Variants in IFIH1 observed in about 807,000 individuals in gnomAD.
IFIH1 encodes interferon induced with helicase C domain 1, also known as interferon-induced helicase C domain-containing protein 1.
A neutral mutation model predicts 107.4 loss-of-function variants in IFIH1; 125 were observed. The observed-to-expected ratio is 1.16, with a 90% confidence interval of 1.01 to 1.35. The LOEUF is 1.35. Among genes scored for constraint, IFIH1 ranks in the 40% most tolerant of loss-of-function variants. The probability of loss-of-function intolerance (pLI) is 0.00; values close to 1 mark genes in which losing one functional copy is unlikely to be tolerated. For synonymous variants in IFIH1, 458 were observed against 413.2 expected (o/e 1.11, Z -1.31); for missense variants, 1,333 against 1,213.7 (o/e 1.10, Z -1.46).
rs1683376303 is a variant in IFIH1, at chr2:162,310,937, T to C, written c.454-4A>G. 3.7e-6 allele frequency: 6 copies of C among 1,609,330 alleles called. No homozygotes were observed. Among genetic ancestry groups the C allele is most frequent in the Non-Finnish European group, 5.1e-6 (6 of 1,177,330 alleles). ...CATTGTTTTCTGCAGCAGCAATCTGTTGTAAGAGAAAATTAGAATTAAGTA... is the reference window on the plus strand; with the variant it reads ...CATTGTTTTCTGCAGCAGCAATCTGCTGTAAGAGAAAATTAGAATTAAGTA... On this transcript the variant is annotated splice_polypyrimidine_tract_variant and splice_region_variant and intron_variant, in intron 1 of 15. Coordinates refer to ENST00000649979, the MANE Select transcript of IFIH1 (RefSeq NM_022168.4).
chr2:162,282,477 A>G lies in IFIH1; in HGVS notation c.1195T>C (p.Ser399Pro), dbSNP rs1408936117. ...CAGGACTTGACAACTTCTGGAAATG[A>G]TATTTTCAGTTGGGTATCACCACTT... is the stretch of plus-strand genomic sequence containing the variant. Reference protein sequence around the residue: ...GLSGDTQLKISFPEVVKSCDI... With the variant: ...GLSGDTQLKIPFPEVVKSCDI... The change falls in exon 6 of 16, where the codon TCA becomes CCA. Residue 399 changes from serine (S) to proline (P), a missense_variant. By Grantham distance (74) the Ser-to-Pro change is moderately conservative. Coordinates refer to ENST00000649979, the MANE Select transcript of IFIH1 (RefSeq NM_022168.4). 5 of 1,609,918 alleles carry G rather than the reference A, an allele frequency of 3.1e-6. 1 individual carries two copies. Among genetic ancestry groups the G allele is most frequent in the Middle Eastern group, 3.3e-4 (2 of 6,042 alleles).
chr2:162,282,632 GT>G (rs1682832156), intron 5 of IFIH1, 56 bp from the exon 6 acceptor site: 1 of 1,211,160 alleles, frequency 8.3e-7, no homozygotes, highest in Non-Finnish European at 1.2e-6. Flanking sequence ...AGCCAAAAGA[GT>G]GTTGATCAAA....
At chr2:162,317,456 A>C (rs1683519004) in intron 1 of IFIH1, among the ~76,000 whole-genome samples, 1 of 152,098 alleles carries the variant, frequency 6.6e-6, no homozygotes, top group African/African-American at 2.4e-5. Flanking sequence ...TTCCTGGGAG[A>C]CCTTGGACAA....
At chr2:162,283,992 T>C (rs937581470) in intron 5 of IFIH1, among the ~76,000 whole-genome samples, 1 of 151,778 alleles carries the variant, frequency 6.6e-6, no homozygotes, top group African/African-American at 2.4e-5. Context: ...CTTTTTTTTT[T>C]TCAAAGTAAA....
chr2:162,268,145 C>T lies in IFIH1; in HGVS notation c.2749G>A (p.Gly917Arg), dbSNP rs774160145. 1.9e-6 allele frequency: 3 copies of T among 1,612,376 alleles called. No homozygotes were observed. Among genetic ancestry groups the T allele is most frequent in the Non-Finnish European group, 2.5e-6 (3 of 1,179,214 alleles). Residue 917 changes from glycine to arginine, a missense_variant, in exon 14 of 16, where the codon GGG becomes AGG. Physicochemically the swap from Gly to Arg is moderately radical, Grantham distance 125 (BLOSUM62 -2). Transcript: ENST00000649979. Reference protein sequence around the residue: ...CKNCSVLACSGEDIHVIEKMH... With the variant: ...CKNCSVLACSREDIHVIEKMH... ...TTCTCAATTACATGGATATCTTCCC[C>T]AGAACAGGCTAGCACACTGCAGTTT...
chr2:162,317,735 AAAGG>A (rs1417684764), intron 1 of IFIH1, 116 bp downstream of exon 1: 1 of 772,328 alleles, frequency 1.3e-6, no homozygotes. Context: ...TTGTCTTCTC[AAAGG>A]AAGAAACTAG....
chr2:162,308,227 T>C lies in IFIH1; in HGVS notation c.623-1372A>G, dbSNP rs1683323460. ...AGCAGGGTCAATGTCTGATGAGGAC[T>C]CTCTCCTTGATTTGCAGATGGCCAC... On this transcript the variant is annotated intron_variant, in intron 2 of 15. Coordinates refer to ENST00000649979, the MANE Select transcript of IFIH1 (RefSeq NM_022168.4). Among the ~76,000 whole-genome samples the C allele has an allele frequency of 2.0e-5, 3 of 152,040 alleles. No individual in the cohort carries two copies. In the South Asian group the frequency reaches 6.2e-4, roughly 31 times the overall value.
rs752986445 is a variant in IFIH1, at chr2:162,272,236, T to C, written c.2606A>G (p.Tyr869Cys). ...HCVQNMKPEE[Y>C]AHKILELQMQ... Reference sequence around the variant, plus strand: ...GGTGACCAACAATACCTTATGAGCATACTCCTCTGGTTTCATATTTTGAAC... The same window carrying C: ...GGTGACCAACAATACCTTATGAGCACACTCCTCTGGTTTCATATTTTGAAC... Residue 869 changes from tyrosine to cysteine, a missense_variant, in exon 13 of 16, where the codon TAT (tyrosine) becomes TGT (cysteine). Coordinates refer to ENST00000649979, the MANE Select transcript of IFIH1 (RefSeq NM_022168.4). 1.2e-6 allele frequency: 2 copies of C among 1,611,386 alleles called. No individual in the cohort carries two copies. Among genetic ancestry groups the C allele is most frequent in the Non-Finnish European group, 1.7e-6 (2 of 1,178,530 alleles).
rs1682807167 is a variant in IFIH1 at position 162,281,446 on chromosome 2, T to C, written c.1406A>G (p.Asn469Ser). 6.2e-7 allele frequency: 1 copy of C among 1,612,404 alleles called. No individual in the cohort carries two copies. Among genetic ancestry groups the C allele is most frequent in the Admixed American group, 1.7e-5 (1 of 59,778 alleles). The change falls in exon 7 of 16, where the codon AAT (asparagine) becomes AGT (serine). Residue 469 changes from asparagine (N) to serine (S), a missense_variant. By Grantham distance (46) the Asn-to-Ser change is conservative. Coordinates refer to ENST00000649979, the MANE Select transcript of IFIH1 (RefSeq NM_022168.4). ...TGGTTTGTTTTCTTTCTTGAGTCTATTGTTTTTCAACTTCTGCATCAAATA... is the reference window on the plus strand; with the variant it reads ...TGGTTTGTTTTCTTTCTTGAGTCTACTGTTTTTCAACTTCTGCATCAAATA... ...RHYLMQKLKN[N>S]RLKKENKPVI...
Position 162,310,809 on chromosome 2 carries a change from A to T in IFIH1, c.578T>A (p.Leu193His), listed in dbSNP as rs1405437835. ...NVLRQTGNNE[L>H]VQELTGSDCS... Reference sequence around the variant, plus strand: ...ATCAGAGCCTGTTAACTCTTGGACAAGTTCATTGTTTCCTGTTTGACGAAG... The same window carrying T: ...ATCAGAGCCTGTTAACTCTTGGACATGTTCATTGTTTCCTGTTTGACGAAG... Residue 193 changes from leucine (L) to histidine (H), a missense_variant, in exon 2 of 16, where the codon CTT becomes CAT. Coordinates refer to ENST00000649979, the MANE Select transcript of IFIH1 (RefSeq NM_022168.4). 1.2e-6 allele frequency: 2 copies of T among 1,613,828 alleles called. No individual in the cohort carries two copies. Among genetic ancestry groups the T allele is most frequent in the African/African-American group, 1.3e-5 (1 of 75,050 alleles).
chr2:162,297,345 A>G (rs1020543838), intron 3 of IFIH1, among the ~76,000 whole-genome samples: 1 of 152,160 alleles, frequency 6.6e-6, no homozygotes, highest in African/African-American at 2.4e-5. Flanking sequence ...TGCGTTTATG[A>G]TTTTATAAGT....
intron 11 of IFIH1, among the ~76,000 whole-genome samples, 161 bp from the exon 12 acceptor site, chr2:162,274,105 A>T (rs1691103199): frequency 6.6e-6 from 1 of 152,230 alleles, no homozygotes; most frequent in African/African-American, 2.4e-5. Flanking sequence ...ACAAAGACAT[A>T]ATGGTGAGAC....
At chr2:162,316,210 T>A (rs1188263458) in intron 1 of IFIH1, among the ~76,000 whole-genome samples, 1 of 152,196 alleles carries the variant, frequency 6.6e-6, no homozygotes, top group Non-Finnish European at 1.5e-5. Flanking sequence ...CGGGACATCA[T>A]ACCCACCAAA....
chr2:162,277,488 A>T lies in IFIH1; in HGVS notation c.1971T>A (p.Asp657Glu), dbSNP rs1429995049. ...EGGDDEYCDG[D>E]EDEDDLKKPL... ...GTTTCTTTAAATCATCCTCATCTTC[A>T]TCACCATCACAATACTCATCATCAC... Residue 657 changes from aspartate to glutamate, a missense_variant, in exon 10 of 16, where the codon GAT becomes GAA. Transcript: ENST00000649979. 6.3e-7 allele frequency: 1 copy of T among 1,599,810 alleles called. No homozygotes were observed. Among genetic ancestry groups the T allele is most frequent in the East Asian group, 2.2e-5 (1 of 44,720 alleles).
chr2:162,271,456 G>A (rs937977467), intron 13 of IFIH1, among the ~76,000 whole-genome samples: 4 of 132,800 alleles, frequency 3.0e-5, no homozygotes, highest in East Asian at 2.8e-4. Flanking sequence ...AGGGCCTGTC[G>A]TGGGGTGGGG....
chr2:162,268,137 A>C lies in IFIH1; in HGVS notation c.2757T>G (p.Asp919Glu). The C allele has an allele frequency of 6.2e-7, 1 of 1,611,946 alleles. No individual in the cohort carries two copies. The highest frequency in any genetic ancestry group is 2.2e-5 in the East Asian group (1 of 44,758). The change falls in exon 14 of 16, where the codon GAT (aspartate) becomes GAG (glutamate). Residue 919 changes from aspartate (D) to glutamate (E), a missense_variant. Coordinates refer to ENST00000649979, the MANE Select transcript of IFIH1 (RefSeq NM_022168.4). ...GATGCATTTTCTCAATTACATGGAT[A>C]TCTTCCCCAGAACAGGCTAGCACAC... The part of the protein sequence containing the change: ...NCSVLACSGE[D>E]IHVIEKMHHV...
rs1221931563 is a variant in IFIH1 at position 162,311,021 on chromosome 2, A to G, written c.454-88T>C. The G allele has an allele frequency of 9.4e-6, 9 of 956,448 alleles. No homozygotes were observed. The African/African-American group carries it at 1.5e-4, about 16-fold the overall frequency. The allele number at this position is 956,448 out of a possible 1,614,324, so 59.2% of individuals were successfully genotyped here. On this transcript the variant is annotated intron_variant, in intron 1 of 15. Transcript: ENST00000649979. ...AAATACCCTTTAGAAAAACTGAGCA[A>G]TTAAGCATAAGTATAAATAAAGGCT...
intron 1 of IFIH1, among the ~76,000 whole-genome samples, chr2:162,311,216 C>T (rs1368674450): frequency 6.6e-6 from 1 of 152,020 alleles, no homozygotes; most frequent in Non-Finnish European, 1.5e-5. Context: ...TCAAACCTGA[C>T]ACCTAGAAAA....
intron 5 of IFIH1, among the ~76,000 whole-genome samples, chr2:162,284,370 T>C (rs1295278023): frequency 2.0e-5 from 3 of 151,972 alleles, no homozygotes; most frequent in African/African-American, 7.2e-5. Context: ...TTGGACAAGG[T>C]CTCAATCATC....
Sources: gnomAD v4.1 joint callset for allele counts (sites outside exome capture counted in the v4.1 genomes callset) on GRCh38, gnomAD v4.1.1 for gene constraint, MANE v1.5 for transcripts, NCBI Gene and HGNC (gene_info 2026-07-23, HGNC 2026-07-21) for gene names.